Variants in DMD observed in about 807,000 individuals in gnomAD.
DMD encodes the protein dystrophin.
Under a neutral mutation model 330.1 loss-of-function variants are expected in DMD, and 63 were observed. The ratio of observed to expected loss-of-function variants is 0.19; its 90% confidence interval spans 0.16 to 0.24. DMD has a LOEUF of 0.24. DMD is among the 10% of genes least tolerant of loss of function. The pLI is 1.00. For synonymous variants in DMD, 1,223 were observed against 959.8 expected (o/e 1.27, Z -5.07); for missense variants, 3,344 against 2,684.1 (o/e 1.25, Z -5.43).
At chrX:32,624,314 A>C (rs2058200469) in intron 11 of DMD, among the ~76,000 whole-genome samples, 1 of 111,652 alleles carries the variant, frequency 9.0e-6, no homozygotes, top group Non-Finnish European at 1.9e-5. Context: ...GTTGGTCCTG[A>C]CAGTAGGTAT....
At chrX:31,179,267 G>C (rs1398389302) in intron 69 of DMD, among the ~76,000 whole-genome samples, 1 of 112,462 alleles carries the variant, frequency 8.9e-6, no homozygotes, top group Non-Finnish European at 1.9e-5. Context: ...CTCTATAAGA[G>C]GAATAAAAGT....
At chrX:33,306,234 A>G (rs2053760810) in intron 1 of DMD, among the ~76,000 whole-genome samples, 1 of 111,836 alleles carries the variant, frequency 8.9e-6, no homozygotes, top group Non-Finnish European at 1.9e-5. Flanking sequence ...TCCTGCTTGA[A>G]TACTTACTAT....
chrX:32,060,689 T>C (rs2096216917), intron 44 of DMD, among the ~76,000 whole-genome samples: 1 of 111,955 alleles, frequency 8.9e-6, no homozygotes, highest in African/African-American at 3.2e-5. Context: ...TTCCTAGTGA[T>C]AGACAGTTTT....
chrX:32,561,180 C>T (rs760422995), intron 16 of DMD, among the ~76,000 whole-genome samples: 2 of 111,403 alleles, frequency 1.8e-5, no homozygotes, highest in Non-Finnish European at 3.8e-5. Context: ...GAGAAGTAGG[C>T]TTCAAAGGTG....
chrX:32,788,026 G>A (rs1360048667), intron 7 of DMD, among the ~76,000 whole-genome samples: 1 of 111,391 alleles, frequency 9.0e-6, no homozygotes. Context: ...TTACACGTGA[G>A]CAATACTGAG....
chrX:31,410,800 G>A (rs933991174), intron 60 of DMD, among the ~76,000 whole-genome samples: 1 of 109,336 alleles, frequency 9.1e-6, no homozygotes, highest in Non-Finnish European at 1.9e-5. Flanking sequence ...GTGAAGTGGT[G>A]CGATCTCGGC....
intron 45 of DMD, among the ~76,000 whole-genome samples, chrX:31,964,202 G>A (rs1321742601): frequency 9.0e-6 from 1 of 110,751 alleles, no homozygotes; most frequent in Non-Finnish European, 1.9e-5. Flanking sequence ...TCCCATCAGG[G>A]GAAAAAAAAT....
intron 63 of DMD, among the ~76,000 whole-genome samples, chrX:31,246,711 A>T (rs1444707625): frequency 3.6e-5 from 4 of 111,635 alleles, no homozygotes; most frequent in African/African-American, 1.3e-4. Context: ...GCAGATCACG[A>T]GGTCAGGAGT....
chrX:32,658,147 C>G (rs1376989014), intron 9 of DMD, among the ~76,000 whole-genome samples: 1 of 111,108 alleles, frequency 9.0e-6, no homozygotes, highest in African/African-American at 3.3e-5. Flanking sequence ...TCCCATGTAG[C>G]CCGTTTTGGA....
chrX:31,241,560 G>A (rs2048288887), intron 63 of DMD, among the ~76,000 whole-genome samples: 1 of 111,002 alleles, frequency 9.0e-6, no homozygotes, highest in Non-Finnish European at 1.9e-5. Context: ...TTCCTCAATG[G>A]TATCACCATT....
chrX:32,622,937 A>G lies in DMD; in HGVS notation c.1332-8484T>C, dbSNP rs193287150. ...ACTTTGAATGACAACATTCCAGGTAAGAATATTATTTATTTGAAAACCACT... is the reference window on the plus strand; with the variant it reads ...ACTTTGAATGACAACATTCCAGGTAGGAATATTATTTATTTGAAAACCACT... On this transcript the variant is annotated intron_variant, in intron 11 of 78. Coordinates refer to ENST00000357033, the MANE Select transcript of DMD (RefSeq NM_004006.3). 2.7e-5 allele frequency among the ~76,000 whole-genome samples: 3 copies of G among 111,718 alleles called. No individual in the cohort carries two copies. The East Asian group carries it at 8.5e-4, about 32-fold the overall frequency.
chrX:33,335,360 C>G (rs772787446), intron 1 of DMD, among the ~76,000 whole-genome samples: 1 of 110,059 alleles, frequency 9.1e-6, no homozygotes, highest in African/African-American at 3.3e-5. Context: ...ACATGTCTAA[C>G]AATATTACTT....
rs59172405 is a variant in DMD at position 31,507,906 on chromosome X, G to A, written c.8218-453C>T. On this transcript the variant is annotated intron_variant, in intron 55 of 78. Transcript: ENST00000357033. Reference sequence around the variant, plus strand: ...TAGAGTTAACTCTGACCATAAAAGCGTGGAGAGACTAATAAACAAGATTGC... The same window carrying A: ...TAGAGTTAACTCTGACCATAAAAGCATGGAGAGACTAATAAACAAGATTGC... Among the ~76,000 whole-genome samples the A allele has an allele frequency of 0.056, 6,195 of 111,411 alleles. 302 individuals are homozygous for A. Among genetic ancestry groups the A allele is most frequent in the African/African-American group, 0.16 (4,835 of 30,493 alleles).
At chrX:31,979,008 G>T (rs997048201) in intron 44 of DMD, among the ~76,000 whole-genome samples, 1 of 112,026 alleles carries the variant, frequency 8.9e-6, no homozygotes, top group African/African-American at 3.2e-5. Flanking sequence ...AAATCATACT[G>T]TACTTGAACT....
At chrX:33,201,369 T>A (rs2051258799) in intron 1 of DMD, among the ~76,000 whole-genome samples, 2 of 112,101 alleles carry the variant, frequency 1.8e-5, no homozygotes, top group Admixed American at 9.5e-5. Context: ...TATGTAGATA[T>A]GTGTGCATTC....
chrX:32,165,116 C>T (rs1354482471), intron 44 of DMD, among the ~76,000 whole-genome samples: 1 of 112,185 alleles, frequency 8.9e-6, no homozygotes, highest in South Asian at 3.7e-4. Context: ...GGGTTGGAGC[C>T]CCAACACAGA....
At chrX:31,479,320 G>C (rs972066142) in intron 57 of DMD, among the ~76,000 whole-genome samples, 6 of 111,778 alleles carry the variant, frequency 5.4e-5, no homozygotes, top group African/African-American at 2.0e-4. Flanking sequence ...TGGGGAGATG[G>C]GGGGAGCATT....
Position 32,193,068 on chromosome X carries a change from C to T in DMD, c.6438+23848G>A, listed in dbSNP as rs145264093. Among the ~76,000 whole-genome samples the T allele has an allele frequency of 6.1e-3, 673 of 111,224 alleles. 4 individuals carry two copies. Among genetic ancestry groups the T allele is most frequent in the African/African-American group, 0.021 (632 of 30,512 alleles). Reference sequence around the variant, plus strand: ...GTTCTCTGAGATCTGGCTGTTTACACGTGTGTGGTACTTCATTCTGTCTCT... The same window carrying T: ...GTTCTCTGAGATCTGGCTGTTTACATGTGTGTGGTACTTCATTCTGTCTCT... On this transcript the variant is annotated intron_variant, in intron 44 of 78. Transcript: ENST00000357033.
intron 44 of DMD, among the ~76,000 whole-genome samples, chrX:32,174,891 C>T (rs148299688): frequency 1.8e-5 from 2 of 111,033 alleles, no homozygotes; most frequent in East Asian, 5.7e-4. Flanking sequence ...ATGTTAGAAA[C>T]CTAGAAATAT....
Sources: gnomAD v4.1 joint callset for allele counts (sites outside exome capture counted in the v4.1 genomes callset) on GRCh38, gnomAD v4.1.1 for gene constraint, MANE v1.5 for transcripts, NCBI Gene and HGNC (gene_info 2026-07-23, HGNC 2026-07-21) for gene names.